The following OCA2 variants were observed in gnomAD, a reference collection of about 807,000 sequenced individuals.
OCA2 encodes the protein OCA2 melanosomal transmembrane protein.
In OCA2, 77 loss-of-function variants were observed where a neutral mutation model predicts 100.2. That is an observed-to-expected ratio of 0.77 (90% CI 0.64 to 0.93). The LOEUF (loss-of-function observed/expected upper bound fraction) is 0.93, where lower values mean the gene tolerates loss of function less well. Ranked by LOEUF, OCA2 falls within the 40% of genes least tolerant of loss-of-function variation. OCA2 has a pLI of 0.00. For missense variants in OCA2, 1,062 were observed against 1,089.1 expected, an observed-to-expected ratio of 0.98 and a Z score of 0.35; for synonymous variants, 432 against 439.2, an observed-to-expected ratio of 0.98 and a Z score of 0.21.
At chr15:27,843,030 G>A (rs370214954) in intron 23 of OCA2, among the ~76,000 whole-genome samples, 23 of 152,026 alleles carry the variant, frequency 1.5e-4, no homozygotes, top group South Asian at 2.1e-4. Context: ...GATCAGACTG[G>A]GGTTGCCCTA....
intron 19 of OCA2, among the ~76,000 whole-genome samples, chr15:27,903,096 T>C (rs1338016847): frequency 1.3e-5 from 2 of 152,200 alleles, no homozygotes; most frequent in Non-Finnish European, 2.9e-5. Flanking sequence ...AGCCCCGAGA[T>C]CTGCGGGGGT....
intron 14 of OCA2, among the ~76,000 whole-genome samples, chr15:27,972,093 T>C (rs1221684242): frequency 6.6e-6 from 1 of 152,242 alleles, no homozygotes; most frequent in Non-Finnish European, 1.5e-5. Context: ...ATTTCTGAGT[T>C]ACTTCACTTA....
the OCA2 span, among the ~76,000 whole-genome samples, chr15:27,743,369 C>T: frequency 2.0e-5 from 3 of 152,168 alleles, no homozygotes; most frequent in Non-Finnish European, 2.9e-5. Flanking sequence ...TTATTCCAGT[C>T]GCTTTCAGGC....
intron 20 of OCA2, 76 bp from the exon 21 acceptor site, chr15:27,871,334 G>A: frequency 9.5e-7 from 1 of 1,048,214 alleles, no homozygotes. Flanking sequence ...GCGAGACTCA[G>A]AGGGGCCCGA....
At chr15:27,928,812 T>G (rs893194264) in intron 18 of OCA2, among the ~76,000 whole-genome samples, 1 of 152,314 alleles carries the variant, frequency 6.6e-6, no homozygotes, top group South Asian at 2.1e-4. Flanking sequence ...TCTTTCACTT[T>G]ATTTTTAAGG....
At chr15:27,747,795 C>T in the OCA2 span, among the ~76,000 whole-genome samples, 3 of 152,092 alleles carry the variant, frequency 2.0e-5, no homozygotes, top group Admixed American at 6.5e-5. Context: ...TCTTTCTCAA[C>T]AGCAAATGAG....
chr15:27,914,974 C>G (rs2038608833), intron 19 of OCA2, among the ~76,000 whole-genome samples: 1 of 152,116 alleles, frequency 6.6e-6, no homozygotes, highest in African/African-American at 2.4e-5. Context: ...TACTACATGA[C>G]TACAGTTAAC....
chr15:27,908,499 A>G (rs1567091084), intron 19 of OCA2, among the ~76,000 whole-genome samples: 1 of 152,226 alleles, frequency 6.6e-6, no homozygotes, highest in African/African-American at 2.4e-5. Flanking sequence ...CTCCAAGACC[A>G]TCCTGACACT....
chr15:27,722,830 CTT>C, the OCA2 span, among the ~76,000 whole-genome samples: 1 of 147,500 alleles, frequency 6.8e-6, no homozygotes, highest in African/African-American at 2.5e-5. Context: ...CTCTCTCTCT[CTT>C]TCTCTCTTTC....
intron 6 of OCA2, among the ~76,000 whole-genome samples, chr15:28,019,265 G>T (rs1228533794): frequency 6.6e-6 from 1 of 151,950 alleles, no homozygotes; most frequent in Non-Finnish European, 1.5e-5. Context: ...AAGGGAGGGA[G>T]AGAGAAAGGG....
At chr15:28,089,247 C>A (rs2044831624) in intron 1 of OCA2, among the ~76,000 whole-genome samples, 1 of 152,120 alleles carries the variant, frequency 6.6e-6, no homozygotes, top group Non-Finnish European at 1.5e-5. Flanking sequence ...ATTGTTTAAA[C>A]AATTTGGGCA....
At chr15:27,735,827 T>C in the OCA2 span, among the ~76,000 whole-genome samples, 9 of 152,046 alleles carry the variant, frequency 5.9e-5, no homozygotes, top group Non-Finnish European at 1.3e-4. Context: ...TGAGGTGAGA[T>C]ACTTTCCCAG....
intron 23 of OCA2, among the ~76,000 whole-genome samples, chr15:27,805,861 CG>C (rs1364047763): frequency 1.3e-5 from 2 of 152,164 alleles, no homozygotes; most frequent in Admixed American, 6.5e-5. Context: ...ACGCCCGGGG[CG>C]TGGGATTCAA....
chr15:27,781,153 T>C (rs2032520036), intron 23 of OCA2, among the ~76,000 whole-genome samples: 1 of 152,208 alleles, frequency 6.6e-6, no homozygotes, highest in African/African-American at 2.4e-5. Context: ...TTGTCCTCCC[T>C]TGTGTGGGTT....
At chr15:27,816,164 T>A (rs2034291619) in intron 23 of OCA2, among the ~76,000 whole-genome samples, 1 of 152,012 alleles carries the variant, frequency 6.6e-6, no homozygotes, top group Admixed American at 6.6e-5. Flanking sequence ...AGAAAATAAT[T>A]ATATTCATTA....
At chr15:27,824,347 A>C (rs2034618757) in intron 23 of OCA2, among the ~76,000 whole-genome samples, 1 of 152,022 alleles carries the variant, frequency 6.6e-6, no homozygotes, top group African/African-American at 2.4e-5. Context: ...CTGCCTGGGC[A>C]ACAACTGTGA....
chr15:27,809,575 A>G (rs1430116581), intron 23 of OCA2, among the ~76,000 whole-genome samples: 2 of 152,216 alleles, frequency 1.3e-5, no homozygotes, highest in African/African-American at 4.8e-5. Context: ...GAGAAAGTCA[A>G]ACTATCACTG....
At chr15:27,851,953 A>G (rs1455984803) in intron 21 of OCA2, among the ~76,000 whole-genome samples, 2 of 152,156 alleles carry the variant, frequency 1.3e-5, no homozygotes, top group African/African-American at 4.8e-5. Flanking sequence ...ACTCACACAC[A>G]GTCCCCTGAC....
At chr15:27,955,787 T>C (rs989083072) in intron 16 of OCA2, among the ~76,000 whole-genome samples, 2 of 152,140 alleles carry the variant, frequency 1.3e-5, no homozygotes, top group Non-Finnish European at 2.9e-5. Context: ...GTCTTTTCTG[T>C]CCATGCTGCT....
Sources: allele counts gnomAD v4.1 joint callset (sites outside exome capture counted in the v4.1 genomes callset), GRCh38; gene constraint gnomAD v4.1.1; transcripts MANE v1.5; gene names NCBI Gene and HGNC (gene_info 2026-07-23, HGNC 2026-07-21).